Variants in TBX4 observed in about 807,000 individuals in gnomAD.
The protein encoded by TBX4 is T-box transcription factor 4.
A neutral mutation model predicts 54.6 loss-of-function variants in TBX4; 13 were observed. The observed-to-expected ratio is 0.24, with a 90% CI of 0.15 to 0.38. TBX4 has a LOEUF of 0.38. Ranked by LOEUF, TBX4 falls within the 10% of genes least tolerant of loss-of-function variation. The pLI, the probability that TBX4 is intolerant of heterozygous loss-of-function variation, is 1.00. For missense variants in TBX4, 631 were observed against 728.5 expected, an observed-to-expected ratio of 0.87 and a Z score of 1.54; for synonymous variants, 314 against 306.7, an observed-to-expected ratio of 1.02 and a Z score of -0.25.
At chr17:61,456,945 C>G (rs969872893) in intron 2 of TBX4, among the ~76,000 whole-genome samples, 4 of 152,160 alleles carry the variant, frequency 2.6e-5, no homozygotes, top group Non-Finnish European at 4.4e-5. Context: ...GAGAGGGAGA[C>G]CCCCGTAGCA....
chr17:61,464,089 G>A lies in TBX4; in HGVS notation c.282-1730G>A, dbSNP rs1447249380. 1 of 152,270 alleles carries A rather than the reference G, an allele frequency of 6.6e-6. No individual in the cohort carries two copies. Among genetic ancestry groups the A allele is most frequent in the African/African-American group, 2.4e-5 (1 of 41,454 alleles). The allele number at this position is 152,270 out of a possible 1,614,324, so 9.4% of individuals were successfully genotyped here. On this transcript the variant is annotated intron_variant, in intron 3 of 8. Coordinates refer to ENST00000644296, the MANE Select transcript of TBX4 (RefSeq NM_001321120.2). This position sits in a 1 kb window ranked among gnomAD's most constrained non-coding sequence, Gnocchi z 5.8. ...GAAAATGCTTTCAATTGACATCTGA[G>A]ACAAATTCTTCCACAAGGTTTATAA...
At position 61,465,660 on chromosome 17, in the gene TBX4, G is replaced by A; in HGVS notation, c.282-159G>A. ...TTTTCACTGTGCAGCTCGGGCAGAGGGGGAAGTGAGTTGTGCAGGTCACAC... is the reference window on the plus strand; with the variant it reads ...TTTTCACTGTGCAGCTCGGGCAGAGAGGGAAGTGAGTTGTGCAGGTCACAC... On this transcript the variant is annotated intron_variant, in intron 3 of 8. Coordinates refer to ENST00000644296, the MANE Select transcript of TBX4 (RefSeq NM_001321120.2). This position sits in a 1 kb window ranked among gnomAD's most constrained non-coding sequence, Gnocchi z 4.9. 1.1e-6 allele frequency: 1 copy of A among 907,704 alleles called. No individual in the cohort carries two copies. Among genetic ancestry groups the A allele is most frequent in the East Asian group, 2.5e-5 (1 of 39,714 alleles). The allele number at this position is 907,704 out of a possible 1,614,324, so 56.2% of individuals were successfully genotyped here.
intron 4 of TBX4, among the ~76,000 whole-genome samples, chr17:61,466,221 G>A (rs1249551391): frequency 1.3e-5 from 2 of 152,166 alleles, no homozygotes; most frequent in Non-Finnish European, 2.9e-5. Context: ...TGGGTAGTCA[G>A]GACTTGGTAA....
At position 61,461,197 on chromosome 17, in the gene TBX4, C is replaced by G. The variant is rs1046658094; in HGVS notation, c.281+3566C>G. On this transcript the variant is annotated intron_variant, in intron 3 of 8. Coordinates refer to ENST00000644296, the MANE Select transcript of TBX4 (RefSeq NM_001321120.2). This position sits in a 1 kb window ranked among gnomAD's most constrained non-coding sequence, Gnocchi z 5.1. ...CCGATCTTCCAAAACAACATCCATT[C>G]CACACACTCTCACCCCTGCCCCTCC... Among the ~76,000 whole-genome samples, 1 of 152,214 alleles carries G rather than the reference C, an allele frequency of 6.6e-6. No homozygotes were observed. Among genetic ancestry groups the G allele is most frequent in the African/African-American group, 2.4e-5 (1 of 41,450 alleles).
At position 61,462,719 on chromosome 17, in the gene TBX4, AAC is replaced by A. The variant is rs766774350; in HGVS notation, c.282-3094_282-3093del. ...CCTTCTTGGTCACCTCCCCCACCCC[AAC>A]ACACAAACAGGGAGGCGTTGCTTTC... On this transcript the variant is annotated intron_variant, in intron 3 of 8. Coordinates refer to ENST00000644296, the MANE Select transcript of TBX4 (RefSeq NM_001321120.2). This position sits in a 1 kb window ranked among gnomAD's most constrained non-coding sequence, Gnocchi z 4.5. 1.3e-5 allele frequency among the ~76,000 whole-genome samples: 2 copies of A among 152,348 alleles called. No homozygotes were observed. The highest frequency in any genetic ancestry group is 2.1e-4 in the South Asian group (1 of 4,834).
chr17:61,473,325 A>G (rs1048583407), intron 5 of TBX4, among the ~76,000 whole-genome samples: 15 of 152,240 alleles, frequency 9.9e-5, no homozygotes, highest in African/African-American at 3.4e-4. Flanking sequence ...CCCACCAGAT[A>G]GTAAACCATG....
At chr17:61,456,414 C>G (rs976025717) in intron 1 of TBX4, 74 bp from the exon 2 acceptor site, 1 of 1,529,980 alleles carries the variant, frequency 6.5e-7, no homozygotes, top group Non-Finnish European at 8.8e-7. Flanking sequence ...GTCCCGGAAT[C>G]GGCTGGAGAG....
Position 61,455,889 on chromosome 17 carries a change from T to C in TBX4, c.-3-599T>C, listed in dbSNP as rs561145393. Among the ~76,000 whole-genome samples the C allele has an allele frequency of 1.2e-3, 182 of 152,202 alleles. 1 individual carries two copies. The highest frequency in any genetic ancestry group is 2.1e-3 in the Non-Finnish European group (143 of 67,994). ...AGGATGTGTGTGGACGGGGAGTGTGTTGGAGTGAAAGCCTTTGGTTCAGGA... is the reference window on the plus strand; with the variant it reads ...AGGATGTGTGTGGACGGGGAGTGTGCTGGAGTGAAAGCCTTTGGTTCAGGA... On this transcript the variant is annotated intron_variant, in intron 1 of 8. Coordinates refer to ENST00000644296, the MANE Select transcript of TBX4 (RefSeq NM_001321120.2).
chr17:61,456,707 C>A lies in TBX4; in HGVS notation c.186+31C>A. On this transcript the variant is annotated intron_variant, in intron 2 of 8. Transcript: ENST00000644296. ...GCTGCGCCAGCCGTCGGGTAGAAGT[C>A]GGGCGTCGGTCTGTCTGCGGGGCCG... 2.2e-6 allele frequency: 3 copies of A among 1,363,322 alleles called. No individual in the cohort carries two copies. The South Asian group carries it at 5.1e-5, about 23-fold the overall frequency. 84.5% of individuals were successfully genotyped at this position (1,363,322 alleles called of 1,614,324 possible).
rs992710189 is a variant in TBX4 at position 61,483,831 on chromosome 17, A to ATGAG, written c.*317_*320dup. 2.6e-6 allele frequency: 1 copy of ATGAG among 389,402 alleles called. No homozygotes were observed. Among genetic ancestry groups the ATGAG allele is most frequent in the African/African-American group, 2.1e-5 (1 of 48,160 alleles). 24.1% of individuals were successfully genotyped at this position (389,402 alleles called of 1,614,324 possible). The stretch of plus-strand genomic sequence containing the variant: ...GGTGGGATGGGAGTGGAGGGTTCAT[A>ATGAG]TGAGTTATTGAGAGGGTTTTATAAT... On this transcript the variant is annotated 3_prime_UTR_variant, in exon 9 of 9. Coordinates refer to ENST00000644296, the MANE Select transcript of TBX4 (RefSeq NM_001321120.2). The surrounding 1 kb of genome is among the most constrained non-coding windows in gnomAD (Gnocchi z 6.6).
chr17:61,470,509 C>G (rs538874369), intron 5 of TBX4, among the ~76,000 whole-genome samples: 1 of 152,300 alleles, frequency 6.6e-6, no homozygotes, highest in South Asian at 2.1e-4. Flanking sequence ...ACTGAGCTCC[C>G]ACTAGAACAA....
Position 61,456,563 on chromosome 17 carries a change from A to G in TBX4, c.73A>G (p.Ser25Gly), listed in dbSNP as rs1337068913. 6.5e-7 allele frequency: 1 copy of G among 1,546,530 alleles called. No homozygotes were observed. Among genetic ancestry groups the G allele is most frequent in the African/African-American group, 1.4e-5 (1 of 72,736 alleles). Residue 25 changes from serine to glycine, a missense_variant, in exon 2 of 9, where the codon AGC (serine) becomes GGC (glycine). By Grantham distance (56) the Ser-to-Gly change is moderately conservative. This residue lies in a region of TBX4 where 123 missense variants were observed against 120.9 expected (regional missense o/e 1.02). Coordinates refer to ENST00000644296, the MANE Select transcript of TBX4 (RefSeq NM_001321120.2). ...CCCGGGCCCAGCGCTCGGAGAGGCC[A>G]GCGCAGCCAACGCCCCCGAGCCCGC... The part of the protein sequence containing the change: ...RAPGPALGEA[S>G]AANAPEPALA...
In TBX4 at chr17:61,458,383, T is replaced by C. The variant is rs79016715; in HGVS notation, c.281+752T>C. On this transcript the variant is annotated intron_variant, in intron 3 of 8. Coordinates refer to ENST00000644296, the MANE Select transcript of TBX4 (RefSeq NM_001321120.2). The stretch of plus-strand genomic sequence containing the variant: ...AGAACGGTTATCAGGTGAAGGTGGA[T>C]TGCTGTAGACAGAGACGCTGGCAAG... 4.7e-3 allele frequency among the ~76,000 whole-genome samples: 716 copies of C among 151,718 alleles called. 13 individuals are homozygous for C. In the East Asian group the frequency reaches 0.064, roughly 14 times the overall value.
At position 61,478,671 on chromosome 17, in the gene TBX4, C is replaced by T. The variant is rs147048921; in HGVS notation, c.594C>T (p.Ile198=). Residue 198 remains isoleucine (I), a synonymous_variant, in exon 6 of 9, where the codon ATC becomes ATT. Transcript: ENST00000644296. This position sits in a 1 kb window ranked among gnomAD's most constrained non-coding sequence, Gnocchi z 7.4. ...ACAAGTACCAGCCGCGGCTCCACAT[C>T]GTTAAGGCTGATGAGAACAATGCTT... ...SMHKYQPRLH[I]VKADENNAFG... is the part of the protein sequence containing the mutation. 113 of 1,614,096 alleles carry T rather than the reference C, an allele frequency of 7.0e-5. No homozygotes were observed. Among genetic ancestry groups the T allele is most frequent in the Non-Finnish European group, 9.4e-5 (111 of 1,180,052 alleles).
At chr17:61,453,207 A>G (rs1367495631) in intron 1 of TBX4, among the ~76,000 whole-genome samples, 2 of 152,240 alleles carry the variant, frequency 1.3e-5, no homozygotes, top group African/African-American at 2.4e-5. Context: ...AGTAATCACA[A>G]TTTTTAAAAG....
In TBX4 at chr17:61,479,189, T is replaced by G. The variant is rs547983281; in HGVS notation, c.702+410T>G. 6.6e-6 allele frequency among the ~76,000 whole-genome samples: 1 copy of G among 151,994 alleles called. No individual in the cohort carries two copies. Among genetic ancestry groups the G allele is most frequent in the Non-Finnish European group, 1.5e-5 (1 of 67,978 alleles). ...CCCTGGGGTGCTGTCAGCTGGGGTG[T>G]GGAAGCAGAGCCTGAGCGGAGGCCC... is the stretch of plus-strand genomic sequence containing the variant. On this transcript the variant is annotated intron_variant, in intron 6 of 8. Transcript: ENST00000644296. The surrounding 1 kb of genome is among the most constrained non-coding windows in gnomAD (Gnocchi z 6.1).
chr17:61,455,545 G>A (rs2060441373), intron 1 of TBX4, among the ~76,000 whole-genome samples: 1 of 152,248 alleles, frequency 6.6e-6, no homozygotes, highest in South Asian at 2.1e-4. Flanking sequence ...CACCTGAGTA[G>A]GCGAGGGAAT....
chr17:61,469,577 C>A (rs1453452127), intron 5 of TBX4, among the ~76,000 whole-genome samples: 1 of 152,200 alleles, frequency 6.6e-6, no homozygotes, highest in African/African-American at 2.4e-5. Context: ...GTGGGTGTGG[C>A]AGGGCCCAGG....
chr17:61,482,259 A>C (rs1268200991), intron 8 of TBX4, among the ~76,000 whole-genome samples: 19 of 152,236 alleles, frequency 1.2e-4, no homozygotes, highest in Non-Finnish European at 2.6e-4. Flanking sequence ...TAGCCTGAAA[A>C]GTATGTCACC....
Sources: gnomAD v4.1 joint callset for allele counts (sites outside exome capture counted in the v4.1 genomes callset) on GRCh38, gnomAD v4.1.1 for gene constraint, gnomAD v4.1.1 regional missense constraint, Gnocchi (gnomAD v3.1) non-coding constraint, MANE v1.5 for transcripts, NCBI Gene and HGNC (gene_info 2026-07-23, HGNC 2026-07-21) for gene names.